Variants in ANKS6 observed in about 807,000 individuals in gnomAD.
The protein encoded by ANKS6 is ankyrin repeat and SAM domain-containing protein 6.
A neutral mutation model predicts 77.9 loss-of-function variants in ANKS6; 47 were observed. The ratio of observed to expected loss-of-function variants is 0.60; its 90% CI spans 0.48 to 0.77. ANKS6 has a LOEUF of 0.77. Among genes scored for constraint, ANKS6 ranks in the 30% least tolerant of loss-of-function variants. The probability of loss-of-function intolerance (pLI) is 0.00; values close to 1 mark genes in which losing one functional copy is unlikely to be tolerated. For synonymous variants in ANKS6, 488 were observed against 501.7 expected (o/e 0.97, Z 0.37); for missense variants, 1,150 against 1,159.1 (o/e 0.99, Z 0.11).
At chr9:98,790,787 C>T (rs774539880) in intron 1 of ANKS6, among the ~76,000 whole-genome samples, 181 bp from the exon 2 acceptor site, 6 of 152,246 alleles carry the variant, frequency 3.9e-5, no homozygotes, top group Non-Finnish European at 5.9e-5. Context: ...AGGTGAGCAG[C>T]TGCCCTGCCT....
At chr9:98,776,728 C>G (rs1833940970) in intron 8 of ANKS6, among the ~76,000 whole-genome samples, 1 of 152,182 alleles carries the variant, frequency 6.6e-6, no homozygotes, top group South Asian at 2.1e-4. Flanking sequence ...AGACAGCTGG[C>G]ATGTGCCCAT....
Position 98,768,065 on chromosome 9 carries a change from C to T in ANKS6, c.2142+16G>A, listed in dbSNP as rs1372974621. 1 of 1,595,470 alleles carries T rather than the reference C, an allele frequency of 6.3e-7. No individual in the cohort carries two copies. The highest frequency in any genetic ancestry group is 2.2e-5 in the East Asian group (1 of 44,572). ...ATCTGTGAGTGTAACAGGAGGAGGC[C>T]ACACAAAACAAGCACCTTGCCAACA... On this transcript the variant is annotated intron_variant, in intron 11 of 14. Coordinates refer to ENST00000353234, the MANE Select transcript of ANKS6 (RefSeq NM_173551.5).
At chr9:98,794,772 A>T (rs1298441371) in intron 1 of ANKS6, among the ~76,000 whole-genome samples, 1 of 152,184 alleles carries the variant, frequency 6.6e-6, no homozygotes, top group African/African-American at 2.4e-5. Flanking sequence ...TGAGACACAC[A>T]TAACACATCA....
rs539968250 is a variant in ANKS6 at position 98,733,578 on chromosome 9, C to T, written c.*2941G>A. ...CCAGGGCTGCAAGGCCTCTTGGTTGCCGCTGTTCCAGAAAAAGCGGGGCTT... is the reference window on the plus strand; with the variant it reads ...CCAGGGCTGCAAGGCCTCTTGGTTGTCGCTGTTCCAGAAAAAGCGGGGCTT... On this transcript the variant is annotated 3_prime_UTR_variant, in exon 15 of 15. Coordinates refer to ENST00000353234, the MANE Select transcript of ANKS6 (RefSeq NM_173551.5). The T allele has an allele frequency of 8.1e-6, 8 of 985,388 alleles. No individual in the cohort carries two copies. Among genetic ancestry groups the T allele is most frequent in the African/African-American group, 5.2e-5 (3 of 57,252 alleles). The allele number at this position is 985,388 out of a possible 1,614,324, so 61.0% of individuals were successfully genotyped here.
intron 12 of ANKS6, among the ~76,000 whole-genome samples, chr9:98,751,711 A>G (rs750483030): frequency 9.9e-5 from 15 of 152,170 alleles, no homozygotes; most frequent in Admixed American, 1.3e-4. Context: ...GCTTGGAGAA[A>G]TATTTACTCA....
intron 6 of ANKS6, among the ~76,000 whole-genome samples, chr9:98,779,567 C>T (rs62561319): frequency 6.6e-6 from 1 of 152,018 alleles, no homozygotes; most frequent in African/African-American, 2.4e-5. Context: ...TAATATGGAC[C>T]CACATTCCTT....
In ANKS6 at chr9:98,745,695, T is replaced by G; in HGVS notation, c.2395-20A>C. On this transcript the variant is annotated intron_variant, in intron 13 of 14. Transcript: ENST00000353234. ...GTCCACCTGGGGAGAGAGAGGGGATTTGCCACCATCTGCTGGATGCCACAG... is the reference window on the plus strand; with the variant it reads ...GTCCACCTGGGGAGAGAGAGGGGATGTGCCACCATCTGCTGGATGCCACAG... 6 of 1,590,540 alleles carry G rather than the reference T, an allele frequency of 3.8e-6. No individual in the cohort carries two copies. Among genetic ancestry groups the G allele is most frequent in the Non-Finnish European group, 5.2e-6 (6 of 1,158,512 alleles).
At chr9:98,739,758 A>ATTTTTTTTTCTTTTT (rs1831713337) in intron 14 of ANKS6, among the ~76,000 whole-genome samples, 1 of 88,858 alleles carries the variant, frequency 1.1e-5, no homozygotes, top group Non-Finnish European at 2.1e-5. Context: ...TGGATTAAAC[A>ATTTTTTTTTCTTTTT]TTTTTTTTTT....
At chr9:98,739,758 A>ATTTTTTTTTTTT (rs749499336) in intron 14 of ANKS6, among the ~76,000 whole-genome samples, 3,197 of 88,600 alleles carry the variant, frequency 0.036, 971 homozygotes, top group African/African-American at 0.16. Context: ...TGGATTAAAC[A>ATTTTTTTTTTTT]TTTTTTTTTT....
In ANKS6 at chr9:98,734,988, G is replaced by A. The variant is rs1044148506; in HGVS notation, c.*1531C>T. 27 of 985,452 alleles carry A rather than the reference G, an allele frequency of 2.7e-5. No individual in the cohort carries two copies. Among genetic ancestry groups the A allele is most frequent in the Admixed American group, 2.5e-4 (4 of 16,280 alleles). The allele number at this position is 985,452 out of a possible 1,614,324, so 61.0% of individuals were successfully genotyped here. A position where few individuals can be genotyped will look rare whatever the true frequency, so the allele number is the denominator to read the frequency against. ...ACGAGGCTCTGGGCAGTAAGTTAAC[G>A]ACAGCCTCTGAAAGCCAGCATAGGG... is the stretch of plus-strand genomic sequence containing the variant. On this transcript the variant is annotated 3_prime_UTR_variant, in exon 15 of 15. Coordinates refer to ENST00000353234, the MANE Select transcript of ANKS6 (RefSeq NM_173551.5).
At position 98,742,845 on chromosome 9, in the gene ANKS6, G is replaced by C. The variant is rs73493908; in HGVS notation, c.2511+2714C>G. Among the ~76,000 whole-genome samples the C allele has an allele frequency of 4.1e-3, 616 of 151,800 alleles. 6 individuals carry two copies. The highest frequency in any genetic ancestry group is 0.014 in the African/African-American group (570 of 41,314). ...GACTGTCGCAGAAGAGGGAATGGGT[G>C]GGGGGGAGGGGGAGATGAATTTGAG... is the stretch of plus-strand genomic sequence containing the variant. On this transcript the variant is annotated intron_variant, in intron 14 of 14. Transcript: ENST00000353234.
At position 98,732,617 on chromosome 9, in the gene ANKS6, A is replaced by G; in HGVS notation, c.*3902T>C. The G allele has an allele frequency of 7.1e-6, 11 of 1,549,348 alleles. No individual in the cohort carries two copies. The highest frequency in any genetic ancestry group is 9.6e-6 in the Non-Finnish European group (11 of 1,146,748). On this transcript the variant is annotated 3_prime_UTR_variant, in exon 15 of 15. Transcript: ENST00000353234. ...GAGATGAAAGGATTTAAAATGGGCAACCATCTTTGAGGTTTCCCACATCTG... is the reference window on the plus strand; with the variant it reads ...GAGATGAAAGGATTTAAAATGGGCAGCCATCTTTGAGGTTTCCCACATCTG...
In ANKS6 at chr9:98,782,480, C is replaced by T. The variant is rs1013469556; in HGVS notation, c.1206G>A (p.Leu402=). 1.2e-6 allele frequency: 2 copies of T among 1,613,934 alleles called. No individual in the cohort carries two copies. Among genetic ancestry groups the T allele is most frequent in the Non-Finnish European group, 1.7e-6 (2 of 1,179,826 alleles). ...NGYTAFDLVM[L]LNDPDTELVR... is the part of the protein sequence containing the mutation. ...GAAATTACCTACCGGGATCATTCAG[C>T]AGCATCACCAGGTCAAAGGCCGTGT... The change falls in exon 5 of 15, where the codon CTG becomes CTA. Residue 402 remains leucine, a synonymous_variant. Transcript: ENST00000353234.
At chr9:98,796,036 C>T in intron 1 of ANKS6, 97 bp downstream of exon 1, 1 of 1,188,354 alleles carries the variant, frequency 8.4e-7, no homozygotes, top group Non-Finnish European at 1.1e-6. Context: ...GAGTCCTTAA[C>T]TCTTCACCTC....
chr9:98,790,068 G>A, intron 2 of ANKS6, 36 bp downstream of exon 2: 1 of 1,523,224 alleles, frequency 6.6e-7, no homozygotes, highest in South Asian at 1.3e-5. Context: ...ACAATTTGGG[G>A]TCCTCTGTGA....
rs145468410 is a variant in ANKS6, at chr9:98,733,019, G to A, written c.*3500C>T. ...CCCAGGCTGAGCCTGAGCCATCATC[G>A]ATGACTTTCCCTGAGCTGTATACCC... On this transcript the variant is annotated 3_prime_UTR_variant, in exon 15 of 15. Transcript: ENST00000353234. 3.3e-5 allele frequency: 30 copies of A among 900,618 alleles called. No homozygotes were observed. In the African/African-American group the frequency reaches 3.6e-4, roughly 11 times the overall value. The allele number at this position is 900,618 out of a possible 1,614,324, so 55.8% of individuals were successfully genotyped here.
chr9:98,787,298 T>C (rs1834624599), intron 2 of ANKS6, among the ~76,000 whole-genome samples: 1 of 151,732 alleles, frequency 6.6e-6, no homozygotes, highest in Non-Finnish European at 1.5e-5. Flanking sequence ...CTTCTCAAGG[T>C]TGCCCAACCA....
Position 98,774,007 on chromosome 9 carries a change from G to T in ANKS6, c.1691C>A (p.Pro564His). The T allele has an allele frequency of 6.3e-7, 1 of 1,584,738 alleles. No homozygotes were observed. The highest frequency in any genetic ancestry group is 8.6e-7 in the Non-Finnish European group (1 of 1,166,542). ...AGAGCTCCACAGCTCAAAACTGGAA[G>T]GGGGTAGGAATGGGGGGATGACTGC... ...LKAVIPPFLPPSSFELWSSDR... is the reference protein window; with the variant it reads ...LKAVIPPFLPHSSFELWSSDR... The change falls in exon 9 of 15, where the codon CCT becomes CAT. Residue 564 changes from proline (P) to histidine (H), a missense_variant. Transcript: ENST00000353234.
chr9:98,784,453 G>C lies in ANKS6; in HGVS notation c.908-296C>G, dbSNP rs530267550. ...CAGAAGAAGACAGAAGGAGAGTTCAGGTCTCGCTGCGGGGTGAGGATCGGG... is the reference window on the plus strand; with the variant it reads ...CAGAAGAAGACAGAAGGAGAGTTCACGTCTCGCTGCGGGGTGAGGATCGGG... On this transcript the variant is annotated intron_variant, in intron 3 of 14. Transcript: ENST00000353234. 147 of 407,086 alleles carry C rather than the reference G, an allele frequency of 3.6e-4. 1 individual carries two copies. Among genetic ancestry groups the C allele is most frequent in the African/African-American group, 2.8e-3 (139 of 49,368 alleles). The allele number at this position is 407,086 out of a possible 1,614,324, so 25.2% of individuals were successfully genotyped here.
Sources: gnomAD v4.1 joint callset for allele counts (sites outside exome capture counted in the v4.1 genomes callset) on GRCh38, gnomAD v4.1.1 for gene constraint, MANE v1.5 for transcripts, NCBI Gene and HGNC (gene_info 2026-07-23, HGNC 2026-07-21) for gene names.